The following ASIC2 variants were observed in gnomAD, a reference collection of about 807,000 sequenced individuals.
The protein encoded by ASIC2 is acid-sensing ion channel 2.
A neutral mutation model predicts 57.3 loss-of-function variants in ASIC2; 25 were observed. That is an observed-to-expected ratio of 0.44 (90% confidence interval 0.32 to 0.61). The LOEUF is 0.61. Ranked by LOEUF, ASIC2 falls within the 20% of genes least tolerant of loss-of-function variation. The probability of loss-of-function intolerance (pLI) is 0.06; values close to 1 mark genes in which losing one functional copy is unlikely to be tolerated. For synonymous variants in ASIC2, 319 were observed against 307.5 expected (o/e 1.04, Z -0.39); for missense variants, 641 against 738.1 (o/e 0.87, Z 1.52).
rs570134795 is a variant in ASIC2, at chr17:33,190,249, C to T, written c.709-78182G>A. On this transcript the variant is annotated intron_variant, in intron 1 of 9. Coordinates refer to ENST00000225823, the MANE Select transcript of ASIC2 (RefSeq NM_183377.2). Reference sequence around the variant, plus strand: ...GTTTCAATATAGTATAATGGGTTCACTATATAAACGGTTGGAAATTAAAAT... The same window carrying T: ...GTTTCAATATAGTATAATGGGTTCATTATATAAACGGTTGGAAATTAAAAT... 1.1e-4 allele frequency among the ~76,000 whole-genome samples: 16 copies of T among 152,084 alleles called. No homozygotes were observed. In the South Asian group the frequency reaches 3.1e-3, roughly 30 times the overall value.
intron 1 of ASIC2, among the ~76,000 whole-genome samples, chr17:33,742,407 C>T (rs2142098673): frequency 6.6e-6 from 1 of 152,174 alleles, no homozygotes; most frequent in South Asian, 2.1e-4. Flanking sequence ...TTTTTGATCC[C>T]CACTCCCCAA....
chr17:33,565,517 A>C (rs557294265), intron 1 of ASIC2, among the ~76,000 whole-genome samples: 3 of 152,254 alleles, frequency 2.0e-5, no homozygotes, highest in South Asian at 2.1e-4. Context: ...CTTAGAGGTA[A>C]AGTGGACACT....
chr17:33,892,856 T>G (rs1167860545), intron 1 of ASIC2, among the ~76,000 whole-genome samples: 2 of 152,102 alleles, frequency 1.3e-5, no homozygotes, highest in Non-Finnish European at 2.9e-5. Flanking sequence ...GTGACCTGAA[T>G]AGATTAGCAG....
chr17:33,823,119 T>C (rs1161016477), intron 1 of ASIC2, among the ~76,000 whole-genome samples: 1 of 152,208 alleles, frequency 6.6e-6, no homozygotes, highest in Non-Finnish European at 1.5e-5. Context: ...ACATTTATCC[T>C]TTATTCTGCA....
intron 1 of ASIC2, among the ~76,000 whole-genome samples, chr17:33,749,253 C>A (rs1567705427): frequency 6.6e-6 from 1 of 152,048 alleles, no homozygotes; most frequent in African/African-American, 2.4e-5. Context: ...TTCCCCCTAC[C>A]CCAGGGAAAC....
chr17:33,368,605 C>T (rs537804154), intron 1 of ASIC2, among the ~76,000 whole-genome samples: 26 of 152,340 alleles, frequency 1.7e-4, no homozygotes, highest in Non-Finnish European at 2.4e-4. Context: ...CCAACGTTAG[C>T]ACTGAGTTGC....
intron 1 of ASIC2, among the ~76,000 whole-genome samples, chr17:33,923,790 T>C (rs1178106508): frequency 1.3e-5 from 2 of 152,006 alleles, no homozygotes; most frequent in Admixed American, 6.6e-5. Flanking sequence ...AGAAAGAAGA[T>C]AGTAGAGTAT....
At chr17:33,243,745 T>C (rs1039630999) in intron 1 of ASIC2, among the ~76,000 whole-genome samples, 2 of 152,236 alleles carry the variant, frequency 1.3e-5, no homozygotes, top group African/African-American at 2.4e-5. Flanking sequence ...TTTTTTCACT[T>C]AAAAATACTT....
chr17:33,097,306 G>A (rs532767740), intron 2 of ASIC2, among the ~76,000 whole-genome samples: 3 of 152,202 alleles, frequency 2.0e-5, no homozygotes, highest in Admixed American at 1.3e-4. Context: ...GATCCTGCTG[G>A]CTCCTCCCAG....
intron 1 of ASIC2, among the ~76,000 whole-genome samples, chr17:33,816,020 T>G (rs936945728): frequency 3.3e-5 from 5 of 152,002 alleles, no homozygotes; most frequent in Non-Finnish European, 7.4e-5. Flanking sequence ...GCACATTACA[T>G]AGGGACACTT....
chr17:33,515,051 T>G (rs1314748280), intron 1 of ASIC2, among the ~76,000 whole-genome samples: 1 of 152,200 alleles, frequency 6.6e-6, no homozygotes, highest in Admixed American at 6.5e-5. Context: ...CTGTCATAGG[T>G]GCCAGTAAGT....
intron 1 of ASIC2, among the ~76,000 whole-genome samples, chr17:33,581,621 C>T (rs573110217): frequency 6.6e-6 from 1 of 152,248 alleles, no homozygotes; most frequent in East Asian, 1.9e-4. Flanking sequence ...GCAGGTGGCT[C>T]AAGGGCCCAG....
At chr17:33,863,396 G>A (rs1390787893) in intron 1 of ASIC2, among the ~76,000 whole-genome samples, 2 of 152,236 alleles carry the variant, frequency 1.3e-5, no homozygotes, top group Non-Finnish European at 2.9e-5. Flanking sequence ...CTAGGTTTAT[G>A]TTTCTTGCAA....
chr17:33,227,408 T>C (rs1002768070), intron 1 of ASIC2, among the ~76,000 whole-genome samples: 9 of 152,156 alleles, frequency 5.9e-5, no homozygotes, highest in African/African-American at 2.2e-4. Flanking sequence ...TTTTGTGCTC[T>C]CCCCTTCAGC....
At chr17:34,014,293 T>C (rs1357397073) in intron 1 of ASIC2, among the ~76,000 whole-genome samples, 1 of 152,208 alleles carries the variant, frequency 6.6e-6, no homozygotes, top group Admixed American at 6.5e-5. Context: ...CACCCATAGC[T>C]ACCATGTGGC....
At chr17:33,836,790 T>G (rs1913286835) in intron 1 of ASIC2, among the ~76,000 whole-genome samples, 1 of 151,924 alleles carries the variant, frequency 6.6e-6, no homozygotes, top group African/African-American at 2.4e-5. Flanking sequence ...GAGGCGGAGT[T>G]TACAGTAAGC....
intron 1 of ASIC2, among the ~76,000 whole-genome samples, chr17:33,842,606 A>G (rs956671687): frequency 1.3e-5 from 2 of 152,356 alleles, no homozygotes; most frequent in East Asian, 3.9e-4. Context: ...AAGTTGATAC[A>G]TACATGAAAG....
intron 3 of ASIC2, among the ~76,000 whole-genome samples, chr17:33,050,462 C>T (rs1214934134): frequency 6.6e-6 from 1 of 152,134 alleles, no homozygotes; most frequent in Non-Finnish European, 1.5e-5. Flanking sequence ...TAGGGTCTGC[C>T]ATATAGTCTG....
At chr17:33,092,568 A>G (rs1656732943) in intron 2 of ASIC2, among the ~76,000 whole-genome samples, 1 of 152,236 alleles carries the variant, frequency 6.6e-6, no homozygotes, top group Non-Finnish European at 1.5e-5. Flanking sequence ...CTGCATTTCC[A>G]GAAATTCTGA....
Sources: allele counts gnomAD v4.1 joint callset (sites outside exome capture counted in the v4.1 genomes callset), GRCh38; gene constraint gnomAD v4.1.1; transcripts MANE v1.5; gene names NCBI Gene and HGNC (gene_info 2026-07-23, HGNC 2026-07-21).